Variants in KIF9 observed in about 807,000 individuals in gnomAD.
KIF9 encodes the protein kinesin-like protein KIF9.
In KIF9, 68 loss-of-function variants were observed where a neutral mutation model predicts 94.8. The observed-to-expected ratio is 0.72, with a 90% CI of 0.59 to 0.88. The LOEUF is 0.88. Among genes scored for constraint, KIF9 ranks in the 40% least tolerant of loss-of-function variants. The pLI is 0.00. For synonymous variants in KIF9, 343 were observed against 362.1 expected, an observed-to-expected ratio of 0.95 and a Z score of 0.60; for missense variants, 882 against 982.5, an observed-to-expected ratio of 0.90 and a Z score of 1.37.
At chr3:47,234,509 C>G (rs1476688593) in intron 20 of KIF9, among the ~76,000 whole-genome samples, 1 of 151,774 alleles carries the variant, frequency 6.6e-6, no homozygotes, top group African/African-American at 2.4e-5. Flanking sequence ...GCTGGGATTA[C>G]AGGCGTGAGC....
At chr3:47,243,323 A>G in intron 15 of KIF9, 78 bp from the exon 16 acceptor site, 2 of 1,243,494 alleles carry the variant, frequency 1.6e-6, no homozygotes, top group Non-Finnish European at 2.2e-6. Flanking sequence ...GACCTTTCTC[A>G]GCACTGACTA....
At position 47,277,396 on chromosome 3, in the gene KIF9, A is replaced by G; in HGVS notation, c.-5-17T>C. On this transcript the variant is annotated splice_polypyrimidine_tract_variant and intron_variant, in intron 1 of 20. Coordinates refer to ENST00000684063, the MANE Select transcript of KIF9 (RefSeq NM_182902.4). The stretch of plus-strand genomic sequence containing the variant: ...CCATTCTAGCTAAAAAGAAGGGAAC[A>G]ATGAAATTTTGAGTAGTCATTATCA... 1 of 1,576,256 alleles carries G rather than the reference A, an allele frequency of 6.3e-7. No individual in the cohort carries two copies. Among genetic ancestry groups the G allele is most frequent in the Non-Finnish European group, 8.7e-7 (1 of 1,145,974 alleles).
chr3:47,240,627 C>T (rs781449699), intron 17 of KIF9, among the ~76,000 whole-genome samples, 174 bp downstream of exon 17: 1 of 152,116 alleles, frequency 6.6e-6, no homozygotes, highest in Non-Finnish European at 1.5e-5. Flanking sequence ...GAGGACTCTG[C>T]GGCTCTCAGG....
At chr3:47,253,761 T>A (rs1356038762) in intron 10 of KIF9, among the ~76,000 whole-genome samples, 3 of 152,216 alleles carry the variant, frequency 2.0e-5, no homozygotes, top group Admixed American at 6.5e-5. Context: ...GGCTCCCTCA[T>A]CCCACAACTC....
intron 10 of KIF9, among the ~76,000 whole-genome samples, chr3:47,256,746 G>A (rs1700640932): frequency 6.6e-6 from 1 of 152,230 alleles, no homozygotes; most frequent in Non-Finnish European, 1.5e-5. Context: ...TGGTTGCCAT[G>A]TCTGTGTAGA....
At chr3:47,266,473 G>A (rs918625402) in intron 7 of KIF9, among the ~76,000 whole-genome samples, 6 of 152,182 alleles carry the variant, frequency 3.9e-5, no homozygotes, top group East Asian at 1.9e-4. Flanking sequence ...GCGAGACCCC[G>A]TCTCTACAAA....
At chr3:47,247,604 C>T (rs941251214) in intron 11 of KIF9, 127 bp from the exon 12 acceptor site, 2 of 718,174 alleles carry the variant, frequency 2.8e-6, no homozygotes, top group Non-Finnish European at 2.5e-6. Context: ...AAGCTGGCTC[C>T]TTCCCTTCAT....
In KIF9 at chr3:47,257,430, A is replaced by C; in HGVS notation, c.1059+53T>G. On this transcript the variant is annotated intron_variant, in intron 10 of 20. Transcript: ENST00000684063. The stretch of plus-strand genomic sequence containing the variant: ...GGCTCGCTTGTGTGACCCAAGCAGC[A>C]AACCCATACACTTTCCCCACAGTGG... The C allele has an allele frequency of 4.0e-6, 6 of 1,507,276 alleles. No individual in the cohort carries two copies. In the South Asian group the frequency reaches 6.8e-5, roughly 17 times the overall value. 93.4% of individuals were successfully genotyped at this position (1,507,276 alleles called of 1,614,324 possible). A position where few individuals can be genotyped will look rare whatever the true frequency, so the allele number is the denominator to read the frequency against.
chr3:47,252,841 C>T (rs557833539), intron 10 of KIF9, among the ~76,000 whole-genome samples: 1 of 151,842 alleles, frequency 6.6e-6, no homozygotes, highest in South Asian at 2.1e-4. Flanking sequence ...AATGAAACCC[C>T]GTCTCTACTA....
At chr3:47,256,571 G>A (rs530420081) in intron 10 of KIF9, among the ~76,000 whole-genome samples, 147 of 146,012 alleles carry the variant, frequency 1.0e-3, no homozygotes, top group African/African-American at 3.4e-3. Context: ...GGGGAGGGGC[G>A]CCTCTGCCCG....
At position 47,267,219 on chromosome 3, in the gene KIF9, G is replaced by GT; in HGVS notation, c.635dup (p.Asn212LysfsTer31). 1 of 1,610,332 alleles carries GT rather than the reference G, an allele frequency of 6.2e-7. No individual in the cohort carries two copies. Among genetic ancestry groups the GT allele is most frequent in the Non-Finnish European group, 8.5e-7 (1 of 1,178,024 alleles). The stretch of plus-strand genomic sequence containing the variant: ...TGAAAATGCAGTGTGATCTGGAAGA[G>GT]TTTTTGTTCATAGTGTGGGAGGCTA... On this transcript the variant is annotated frameshift_variant, in exon 6 of 21. Coordinates refer to ENST00000684063, the MANE Select transcript of KIF9 (RefSeq NM_182902.4). LOFTEE classifies it high-confidence loss of function.
chr3:47,247,211 A>G (rs1699980865), intron 12 of KIF9, among the ~76,000 whole-genome samples, 162 bp downstream of exon 12: 1 of 152,168 alleles, frequency 6.6e-6, no homozygotes, highest in Admixed American at 6.5e-5. Context: ...TGTGCCCCTG[A>G]GATGAGCTGA....
At chr3:47,264,636 C>CT (rs910496711) in intron 8 of KIF9, among the ~76,000 whole-genome samples, 1 of 152,130 alleles carries the variant, frequency 6.6e-6, no homozygotes, top group Non-Finnish European at 1.5e-5. Flanking sequence ...TGAGGTCTTG[C>CT]TATGTTGCCC....
rs939350812 is a variant in KIF9 at position 47,282,461 on chromosome 3, TCCCCACTCCCACCGGCGAGCAG to T, written c.-6+12_-6+33del. 62 of 988,058 alleles carry T rather than the reference TCCCCACTCCCACCGGCGAGCAG, an allele frequency of 6.3e-5. 1 individual carries two copies. The East Asian group carries it at 2.8e-3, about 45-fold the overall frequency. 61.2% of individuals were successfully genotyped at this position (988,058 alleles called of 1,614,324 possible). On this transcript the variant is annotated intron_variant, in intron 1 of 20. Transcript: ENST00000684063. ...TCCGGGCGCACACCCTTTTCCCGTC[TCCCCACTCCCACCGGCGAGCAG>T]CCCCTGCTCACCGTTCACCAGGCAG...
chr3:47,281,352 GTTTA>G (rs756044934), intron 1 of KIF9, among the ~76,000 whole-genome samples: 1 of 151,520 alleles, frequency 6.6e-6, no homozygotes, highest in Non-Finnish European at 1.5e-5. Context: ...TTTGTTTTTT[GTTTA>G]TTTGTTTTTG....
intron 20 of KIF9, among the ~76,000 whole-genome samples, chr3:47,230,517 G>A (rs1372998236): frequency 2.0e-5 from 3 of 151,992 alleles, no homozygotes; most frequent in Admixed American, 6.6e-5. Context: ...TGGATCACCC[G>A]AGGTCGGGAG....
At chr3:47,233,114 A>G (rs1402846037) in intron 20 of KIF9, among the ~76,000 whole-genome samples, 1 of 151,996 alleles carries the variant, frequency 6.6e-6, no homozygotes, top group East Asian at 1.9e-4. Flanking sequence ...TAATCCCAGC[A>G]CTTTGGGAGG....
At chr3:47,245,054 T>C in intron 14 of KIF9, 130 bp from the exon 15 acceptor site, 1 of 1,257,008 alleles carries the variant, frequency 8.0e-7, no homozygotes, top group Non-Finnish European at 1.1e-6. Flanking sequence ...TGACAGCTGC[T>C]GATGCCAGCC....
chr3:47,237,387 C>A (rs954433589), intron 17 of KIF9, among the ~76,000 whole-genome samples: 2 of 152,216 alleles, frequency 1.3e-5, no homozygotes, highest in Admixed American at 6.5e-5. Flanking sequence ...AGCCACCATG[C>A]GCAGCTCACC....
Sources: gnomAD v4.1 joint callset for allele counts (sites outside exome capture counted in the v4.1 genomes callset) on GRCh38, gnomAD v4.1.1 for gene constraint, MANE v1.5 for transcripts, NCBI Gene and HGNC (gene_info 2026-07-23, HGNC 2026-07-21) for gene names.